ACP1: variants seen among roughly 807,000 people sequenced by gnomAD.
The protein encoded by ACP1 is acid phosphatase 1, also known as low molecular weight phosphotyrosine protein phosphatase.
ACP1 carries 23 observed loss-of-function variants against 23.4 expected under a neutral mutation model. The observed-to-expected ratio is 0.98, with a 90% CI of 0.71 to 1.39. The LOEUF (loss-of-function observed/expected upper bound fraction) is 1.39. Among genes scored for constraint, ACP1 ranks in the 40% most tolerant of loss-of-function variants. The probability of loss-of-function intolerance (pLI) is 0.00; values close to 1 mark genes in which losing one functional copy is unlikely to be tolerated. For synonymous variants in ACP1, 72 were observed against 67.2 expected, an observed-to-expected ratio of 1.07 and a Z score of -0.35; for missense variants, 180 against 197.7, an observed-to-expected ratio of 0.91 and a Z score of 0.54.
chr2:271,013 G>A (rs1436573115), intron 1 of ACP1, among the ~76,000 whole-genome samples: 1 of 152,174 alleles, frequency 6.6e-6, no homozygotes. Flanking sequence ...AAGTAAGGAT[G>A]GCCCTGATGT....
intron 3 of ACP1, 90 bp from the exon 4 acceptor site, chr2:275,050 C>T (rs1004720549): frequency 3.8e-6 from 2 of 522,254 alleles, no homozygotes; most frequent in Non-Finnish European, 3.4e-6. Context: ...GGCTCAAATA[C>T]AGCAGTTTTT....
rs1670203342 is a variant in ACP1 at position 277,358 on chromosome 2, T to G, written c.*54T>G. On this transcript the variant is annotated 3_prime_UTR_variant, in exon 6 of 6. Transcript: ENST00000272065. Reference sequence around the variant, plus strand: ...CTGACTAGACCCCACCCTGAGGTCCTGCATTTCTCAGTCGGTGTGTAATCA... The same window carrying G: ...CTGACTAGACCCCACCCTGAGGTCCGGCATTTCTCAGTCGGTGTGTAATCA... The G allele has an allele frequency of 6.7e-7, 1 of 1,498,724 alleles. No homozygotes were observed. Among genetic ancestry groups the G allele is most frequent in the South Asian group, 1.1e-5 (1 of 88,828 alleles). The allele number at this position is 1,498,724 out of a possible 1,614,324, so 92.8% of individuals were successfully genotyped here.
intron 1 of ACP1, among the ~76,000 whole-genome samples, chr2:271,135 A>G (rs1670017150): frequency 6.6e-6 from 1 of 151,954 alleles, no homozygotes. Flanking sequence ...TTGGTGTTGA[A>G]TCGCTGTTTA....
Position 277,375 on chromosome 2 carries a change from G to A in ACP1, c.*71G>A, listed in dbSNP as rs1670203634. 4 of 1,360,394 alleles carry A rather than the reference G, an allele frequency of 2.9e-6. No homozygotes were observed. The South Asian group carries it at 3.5e-5, about 12-fold the overall frequency. The allele number at this position is 1,360,394 out of a possible 1,614,324, so 84.3% of individuals were successfully genotyped here. Reference sequence around the variant, plus strand: ...TGAGGTCCTGCATTTCTCAGTCGGTGTGTAATCACGTTCCAGGGCCCAAAG... The same window carrying A: ...TGAGGTCCTGCATTTCTCAGTCGGTATGTAATCACGTTCCAGGGCCCAAAG... On this transcript the variant is annotated 3_prime_UTR_variant, in exon 6 of 6. Coordinates refer to ENST00000272065, the MANE Select transcript of ACP1 (RefSeq NM_004300.4).
At chr2:272,428 G>C in intron 3 of ACP1, 1 of 1,458,890 alleles carries the variant, frequency 6.9e-7, no homozygotes, top group East Asian at 2.5e-5. Context: ...ACCAGCTATG[G>C]TGTGTCCATT....
At chr2:276,304 T>C (rs541246752) in intron 4 of ACP1, among the ~76,000 whole-genome samples, 1 of 152,326 alleles carries the variant, frequency 6.6e-6, no homozygotes, top group South Asian at 2.1e-4. Context: ...TGCCTGCAGT[T>C]CTCATTCCTG....
chr2:273,354 G>T (rs571627259), intron 3 of ACP1, among the ~76,000 whole-genome samples: 96 of 152,356 alleles, frequency 6.3e-4, no homozygotes, highest in African/African-American at 2.2e-3. Flanking sequence ...CAAGAGTTCT[G>T]CTACTGAACC....
chr2:267,006 A>C (rs1304410320), intron 1 of ACP1, among the ~76,000 whole-genome samples: 1 of 152,202 alleles, frequency 6.6e-6, no homozygotes, highest in South Asian at 2.1e-4. Flanking sequence ...GATAGACAGC[A>C]TGGATATGCT....
chr2:278,252 G>C lies in ACP1; in HGVS notation c.*948G>C, dbSNP rs1225956582. ...ATCATGAATATTTCAAAATAAACTG[G>C]GGAGTTATAAAAATACAACTAGAGA... is the stretch of plus-strand genomic sequence containing the variant. On this transcript the variant is annotated 3_prime_UTR_variant, in exon 6 of 6. Transcript: ENST00000272065. The C allele has an allele frequency of 6.6e-5, 10 of 152,224 alleles. No individual in the cohort carries two copies. Among genetic ancestry groups the C allele is most frequent in the African/African-American group, 2.2e-4 (9 of 41,542 alleles). The allele number at this position is 152,224 out of a possible 1,614,324, so 9.4% of individuals were successfully genotyped here.
At chr2:268,660 G>C (rs1220500749) in intron 1 of ACP1, among the ~76,000 whole-genome samples, 1 of 152,214 alleles carries the variant, frequency 6.6e-6, no homozygotes, top group East Asian at 1.9e-4. Flanking sequence ...TTGAATTGAA[G>C]ATGCTGAAGA....
chr2:271,151 A>C (rs1476452194), intron 1 of ACP1, among the ~76,000 whole-genome samples: 1 of 152,164 alleles, frequency 6.6e-6, no homozygotes, highest in African/African-American at 2.4e-5. Flanking sequence ...GTTTATGCTT[A>C]AATGCATGTT....
At position 270,075 on chromosome 2, in the gene ACP1, A is replaced by G. The variant is rs192004896; in HGVS notation, c.44-1791A>G. 8.3e-4 allele frequency among the ~76,000 whole-genome samples: 127 copies of G among 152,250 alleles called. 2 individuals carry two copies. Among genetic ancestry groups the G allele is most frequent in the East Asian group, 1.9e-4 (1 of 5,186 alleles). ...ATTTGCTCCTTCATACGAGCCTCTT[A>G]CAAGGTCTCTCCAATTCAGTCATGT... On this transcript the variant is annotated intron_variant, in intron 1 of 5. Transcript: ENST00000272065.
At chr2:275,265 G>T in intron 4 of ACP1, 64 bp downstream of exon 4, 1 of 880,946 alleles carries the variant, frequency 1.1e-6, no homozygotes, top group East Asian at 2.6e-5. Flanking sequence ...CAAGTAATTT[G>T]TTGTCCAGAT....
Position 276,894 on chromosome 2 carries a change from T to C in ACP1, c.294-86T>C, listed in dbSNP as rs1434468347. 7 of 792,236 alleles carry C rather than the reference T, an allele frequency of 8.8e-6. No homozygotes were observed. The Admixed American group carries it at 9.8e-5, about 11-fold the overall frequency. 49.1% of individuals were successfully genotyped at this position (792,236 alleles called of 1,614,324 possible). A position where few individuals can be genotyped will look rare whatever the true frequency, so the allele number is the denominator to read the frequency against. On this transcript the variant is annotated intron_variant, in intron 4 of 5. Coordinates refer to ENST00000272065, the MANE Select transcript of ACP1 (RefSeq NM_004300.4). Reference sequence around the variant, plus strand: ...AGGTCATTCTGTCTTGATTTTGATATGGATGTTTCAGAACACCCTAGCAGA... The same window carrying C: ...AGGTCATTCTGTCTTGATTTTGATACGGATGTTTCAGAACACCCTAGCAGA...
intron 1 of ACP1, chr2:269,495 A>G (rs1415439303): frequency 8.6e-6 from 3 of 350,098 alleles, no homozygotes; most frequent in South Asian, 2.3e-5. Context: ...AGACCCTAAT[A>G]GTGATAAAGA....
At chr2:275,295 G>T in intron 4 of ACP1, 94 bp downstream of exon 4, 1 of 650,666 alleles carries the variant, frequency 1.5e-6, no homozygotes, top group Non-Finnish European at 2.6e-6. Flanking sequence ...CTATTTTAAA[G>T]GTTTTAATAG....
chr2:272,678 A>T lies in ACP1; in HGVS notation c.231+528A>T, dbSNP rs1202082778. 1.9e-5 allele frequency: 6 copies of T among 311,784 alleles called. No homozygotes were observed. In the Admixed American group the frequency reaches 2.7e-4, roughly 14 times the overall value. The allele number at this position is 311,784 out of a possible 1,614,324, so 19.3% of individuals were successfully genotyped here. ...AATGAGGTTATATAATATATACAAA[A>T]ACATTTTTTCAACTGTAAAGTGCCT... On this transcript the variant is annotated intron_variant, in intron 3 of 5. Coordinates refer to ENST00000272065, the MANE Select transcript of ACP1 (RefSeq NM_004300.4).
intron 3 of ACP1, chr2:272,457 C>T (rs1670072458): frequency 1.4e-6 from 2 of 1,441,516 alleles, no homozygotes; most frequent in Non-Finnish European, 1.8e-6. Flanking sequence ...CTTCTGGTTG[C>T]ACGGTGTTGA....
At chr2:269,689 A>G (rs1327041429) in intron 1 of ACP1, among the ~76,000 whole-genome samples, 2 of 152,212 alleles carry the variant, frequency 1.3e-5, no homozygotes, top group Admixed American at 6.5e-5. Context: ...CGCAGATCAT[A>G]GAAACTAGAA....
Sources: gnomAD v4.1 joint callset for allele counts (sites outside exome capture counted in the v4.1 genomes callset) on GRCh38, gnomAD v4.1.1 for gene constraint, MANE v1.5 for transcripts, NCBI Gene and HGNC (gene_info 2026-07-23, HGNC 2026-07-21) for gene names.